Variants in AGBL4 observed in about 807,000 individuals in gnomAD.
The protein encoded by AGBL4 is cytosolic carboxypeptidase 6.
A neutral mutation model predicts 66.4 loss-of-function variants in AGBL4; 58 were observed. That is an observed-to-expected ratio of 0.87 (90% CI 0.71 to 1.09). The LOEUF is 1.09. Among genes scored for constraint, AGBL4 ranks in the 50% least tolerant of loss-of-function variants. The pLI, the probability that AGBL4 is intolerant of heterozygous loss-of-function variation, is 0.00. For synonymous variants in AGBL4, 234 were observed against 222.9 expected, an observed-to-expected ratio of 1.05 and a Z score of -0.44; for missense variants, 579 against 631.0, an observed-to-expected ratio of 0.92 and a Z score of 0.88.
chr1:48,896,951 G>T (rs961381059), intron 5 of AGBL4, among the ~76,000 whole-genome samples: 1 of 152,154 alleles, frequency 6.6e-6, no homozygotes, highest in South Asian at 2.1e-4. Context: ...TGTTATTTCA[G>T]ATTTCTAATT....
intron 3 of AGBL4, among the ~76,000 whole-genome samples, chr1:49,407,784 T>A (rs907068704): frequency 6.6e-6 from 1 of 152,164 alleles, no homozygotes; most frequent in Non-Finnish European, 1.5e-5. Flanking sequence ...CAAGAAAAGA[T>A]CCTAACTGCC....
At position 49,069,914 on chromosome 1, in the gene AGBL4, G is replaced by T. The variant is rs1013559125; in HGVS notation, c.378-24114C>A. Among the ~76,000 whole-genome samples the T allele has an allele frequency of 9.2e-5, 14 of 151,916 alleles. 1 individual carries two copies. Among genetic ancestry groups the T allele is most frequent in the African/African-American group, 3.4e-4 (14 of 41,196 alleles). On this transcript the variant is annotated intron_variant, in intron 4 of 13. Transcript: ENST00000371839. ...GTGTCTTCTTTTATTTCCTTGAGCA[G>T]TGGTCTGTAGTTCTCCGTGAAGCGG... is the stretch of plus-strand genomic sequence containing the variant.
chr1:49,150,652 A>G (rs1317702627), intron 4 of AGBL4, among the ~76,000 whole-genome samples: 3 of 152,140 alleles, frequency 2.0e-5, no homozygotes, highest in Non-Finnish European at 4.4e-5. Flanking sequence ...CCTTTTGCCT[A>G]TATACTCATT....
intron 1 of AGBL4, among the ~76,000 whole-genome samples, chr1:49,972,769 T>C (rs540810208): frequency 5.8e-4 from 88 of 152,298 alleles, no homozygotes; most frequent in South Asian, 1.4e-3. Flanking sequence ...TGTAGGTATG[T>C]ACGTAGAAGA....
intron 3 of AGBL4, among the ~76,000 whole-genome samples, chr1:49,471,131 C>T (rs1268705948): frequency 6.6e-6 from 1 of 152,040 alleles, no homozygotes; most frequent in Non-Finnish European, 1.5e-5. Flanking sequence ...AAGGAATACA[C>T]ATAACAATCT....
chr1:49,464,900 A>G (rs1054811573), intron 3 of AGBL4, among the ~76,000 whole-genome samples: 4 of 151,572 alleles, frequency 2.6e-5, no homozygotes, highest in African/African-American at 9.7e-5. Context: ...CCCCCACCCA[A>G]CAACTACCAC....
intron 1 of AGBL4, among the ~76,000 whole-genome samples, chr1:49,905,394 T>C (rs1650173621): frequency 6.6e-6 from 1 of 152,192 alleles, no homozygotes; most frequent in Non-Finnish European, 1.5e-5. Flanking sequence ...TATGGTGGCC[T>C]GGCTTGAGTT....
intron 5 of AGBL4, among the ~76,000 whole-genome samples, chr1:48,985,607 G>A (rs957067892): frequency 6.6e-6 from 1 of 152,076 alleles, no homozygotes; most frequent in Non-Finnish European, 1.5e-5. Context: ...CTTTTCTGGT[G>A]TCACCTAATG....
At chr1:49,889,631 C>A (rs1311187634) in intron 1 of AGBL4, among the ~76,000 whole-genome samples, 1 of 152,006 alleles carries the variant, frequency 6.6e-6, no homozygotes, top group Non-Finnish European at 1.5e-5. Context: ...GTGGCACATG[C>A]CTGTAGTCCC....
At chr1:48,922,355 A>G (rs554067949) in intron 5 of AGBL4, among the ~76,000 whole-genome samples, 2 of 152,172 alleles carry the variant, frequency 1.3e-5, no homozygotes, top group Non-Finnish European at 2.9e-5. Flanking sequence ...TGAGTTTCAG[A>G]AGAAAAAAAT....
At chr1:48,782,686 C>A (rs771362841) in intron 6 of AGBL4, among the ~76,000 whole-genome samples, 2 of 152,144 alleles carry the variant, frequency 1.3e-5, no homozygotes, top group Non-Finnish European at 2.9e-5. Flanking sequence ...CTCCTATCAC[C>A]CACACAGGTA....
chr1:49,181,048 C>G (rs1029341675), intron 4 of AGBL4, among the ~76,000 whole-genome samples: 13 of 152,114 alleles, frequency 8.5e-5, no homozygotes, highest in Non-Finnish European at 1.6e-4. Flanking sequence ...GGTCTTTTCA[C>G]ACTCACAGAG....
chr1:49,650,332 C>A (rs1363995023), intron 3 of AGBL4, among the ~76,000 whole-genome samples: 2 of 152,296 alleles, frequency 1.3e-5, no homozygotes, highest in African/African-American at 4.8e-5. Context: ...TGAAGTCCCA[C>A]AGAAAGGGTA....
At chr1:48,803,537 T>C (rs1290008581) in intron 6 of AGBL4, among the ~76,000 whole-genome samples, 1 of 152,232 alleles carries the variant, frequency 6.6e-6, no homozygotes, top group Non-Finnish European at 1.5e-5. Flanking sequence ...TAAAGAAATA[T>C]ATACCCTGGA....
chr1:49,038,363 A>C (rs1664830793), intron 5 of AGBL4, among the ~76,000 whole-genome samples: 1 of 152,130 alleles, frequency 6.6e-6, no homozygotes, highest in South Asian at 2.1e-4. Flanking sequence ...AGAAGATAGA[A>C]GCCTTACTGG....
intron 1 of AGBL4, among the ~76,000 whole-genome samples, chr1:50,016,838 T>C (rs1434463047): frequency 6.6e-6 from 1 of 152,166 alleles, no homozygotes; most frequent in Non-Finnish European, 1.5e-5. Context: ...TACACATAGT[T>C]AATAGGAATA....
chr1:49,029,161 G>T (rs576108115), intron 5 of AGBL4, among the ~76,000 whole-genome samples: 7 of 152,280 alleles, frequency 4.6e-5, no homozygotes, highest in Admixed American at 4.6e-4. Context: ...ACAAGGCAAA[G>T]AAGTCTGCTC....
chr1:49,069,076 T>C (rs963641484), intron 4 of AGBL4, among the ~76,000 whole-genome samples: 1 of 152,058 alleles, frequency 6.6e-6, no homozygotes, highest in East Asian at 1.9e-4. Context: ...CTTGATGGGG[T>C]TGTTTGTTTT....
intron 6 of AGBL4, among the ~76,000 whole-genome samples, chr1:48,679,584 G>C (rs2148477812): frequency 6.6e-6 from 1 of 152,002 alleles, no homozygotes; most frequent in South Asian, 2.1e-4. Context: ...CAACCACCCT[G>C]TGGGGTCATT....
Sources: gnomAD v4.1 joint callset for allele counts (sites outside exome capture counted in the v4.1 genomes callset) on GRCh38, gnomAD v4.1.1 for gene constraint, MANE v1.5 for transcripts, NCBI Gene and HGNC (gene_info 2026-07-23, HGNC 2026-07-21) for gene names.